Variants in AGMAT observed in about 807,000 individuals in gnomAD.
AGMAT encodes agmatinase (putative).
AGMAT carries 37 observed loss-of-function variants against 29.3 expected under a neutral mutation model. That is an observed-to-expected ratio of 1.26 (90% CI 0.97 to 1.66). The LOEUF is 1.66. Ranked by LOEUF, AGMAT falls within the 40% of genes most tolerant of loss-of-function variation. The probability of loss-of-function intolerance (pLI) is 0.00; values close to 1 mark genes in which losing one functional copy is unlikely to be tolerated. For synonymous variants in AGMAT, 199 were observed against 200.8 expected, an observed-to-expected ratio of 0.99 and a Z score of 0.08; for missense variants, 498 against 497.8, an observed-to-expected ratio of 1.00 and a Z score of 0.00.
At chr1:15,584,548 C>T (rs1639158608) in intron 1 of AGMAT, 148 bp downstream of exon 1, 2 of 880,172 alleles carry the variant, frequency 2.3e-6, no homozygotes, top group South Asian at 6.0e-5. Context: ...AATCAACCAT[C>T]TCAAACCATA....
chr1:15,573,811 G>A (rs965369549), intron 6 of AGMAT, 87 bp from the exon 7 acceptor site: 12 of 1,194,530 alleles, frequency 1.0e-5, no homozygotes, highest in Non-Finnish European at 1.5e-5. Flanking sequence ...TCTTCCCCTT[G>A]TGCCTCCTTT....
At position 15,583,240 on chromosome 1, in the gene AGMAT, T is replaced by C; in HGVS notation, c.428A>G (p.Glu143Gly). The C allele has an allele frequency of 1.2e-6, 2 of 1,614,066 alleles. No individual in the cohort carries two copies. The highest frequency in any genetic ancestry group is 1.7e-6 in the Non-Finnish European group (2 of 1,180,022). ...NLQDSCRRIQEAYEKIVAAGC... is the reference protein window; with the variant it reads ...NLQDSCRRIQGAYEKIVAAGC... ...AGCTGCTACAATTTTCTCATAGGCC[T>C]CTTGAATTCGCCGGCAGCTGTCCTG... Residue 143 changes from glutamate (E) to glycine (G), a missense_variant, in exon 2 of 7, where the codon GAG becomes GGG. Glu to Gly is a moderately conservative substitution (Grantham distance 98). Transcript: ENST00000375826.
chr1:15,584,771 G>T lies in AGMAT; in HGVS notation c.197C>A (p.Thr66Asn). The stretch of plus-strand genomic sequence containing the variant: ...GGCAGCGTCCAGCCCCTCGGGGGAG[G>T]TCTGCACCGGCAGGCGCATCATGGA... Reference protein sequence around the residue: ...VCSMMRLPVQTSPEGLDAAFI... With the variant: ...VCSMMRLPVQNSPEGLDAAFI... Residue 66 changes from threonine (T) to asparagine (N), a missense_variant, in exon 1 of 7, where the codon ACC (threonine) becomes AAC (asparagine). Coordinates refer to ENST00000375826, the MANE Select transcript of AGMAT (RefSeq NM_024758.5). The T allele has an allele frequency of 7.2e-7, 1 of 1,380,670 alleles. No homozygotes were observed. Among genetic ancestry groups the T allele is most frequent in the Non-Finnish European group, 9.4e-7 (1 of 1,065,736 alleles). The allele number at this position is 1,380,670 out of a possible 1,614,324, so 85.5% of individuals were successfully genotyped here.
chr1:15,577,805 C>A lies in AGMAT; in HGVS notation c.780G>T (p.Gly260=). 3 of 1,614,174 alleles carry A rather than the reference C, an allele frequency of 1.9e-6. No individual in the cohort carries two copies. The highest frequency in any genetic ancestry group is 3.3e-4 in the Middle Eastern group (2 of 6,062). The change falls in exon 5 of 7, where the codon GGG becomes GGT. Residue 260 remains glycine (G), a synonymous_variant. Coordinates refer to ENST00000375826, the MANE Select transcript of AGMAT (RefSeq NM_024758.5). ...CWMKSLVPLM[G]EVRQQMGGKP... ...TGCCTCCCATCTGCTGCCTGACTTC[C>A]CCCATCAGAGGAACCAGCGACTTCA...
At chr1:15,581,571 T>A (rs879752207) in intron 2 of AGMAT, among the ~76,000 whole-genome samples, 17 of 151,214 alleles carry the variant, frequency 1.1e-4, no homozygotes, top group Non-Finnish European at 2.4e-4. Context: ...CTGAATATTT[T>A]ATTTTAATTA....
chr1:15,580,308 C>A (rs1639095469), intron 2 of AGMAT, among the ~76,000 whole-genome samples, 166 bp from the exon 3 acceptor site: 1 of 146,472 alleles, frequency 6.8e-6, no homozygotes, highest in Admixed American at 7.1e-5. Flanking sequence ...CAGGTTCAAG[C>A]GATTCTCCTG....
chr1:15,583,169 C>T, intron 2 of AGMAT, 24 bp downstream of exon 2: 1 of 1,612,076 alleles, frequency 6.2e-7, no homozygotes, highest in Non-Finnish European at 8.5e-7. Context: ...GGGAACTACT[C>T]TGGCTCTTGC....
At chr1:15,576,818 C>T (rs1415287055) in intron 5 of AGMAT, among the ~76,000 whole-genome samples, 5 of 132,030 alleles carry the variant, frequency 3.8e-5, no homozygotes, top group South Asian at 2.5e-4. Context: ...GGTTCTATCT[C>T]GGCTCACTGC....
At chr1:15,578,653 C>G (rs1372461339) in intron 4 of AGMAT, among the ~76,000 whole-genome samples, 1 of 152,096 alleles carries the variant, frequency 6.6e-6, no homozygotes, top group African/African-American at 2.4e-5. Context: ...GCTTGTCTCC[C>G]CCGCCCAGCG....
Position 15,584,862 on chromosome 1 carries a change from CCTGGCGGCT to C in AGMAT, c.97_105del (p.Ser33_Gln35del), listed in dbSNP as rs760358501. The C allele has an allele frequency of 8.5e-6, 12 of 1,417,716 alleles. No individual in the cohort carries two copies. The highest frequency in any genetic ancestry group is 1.0e-5 in the Non-Finnish European group (11 of 1,091,576). The allele number at this position is 1,417,716 out of a possible 1,614,324, so 87.8% of individuals were successfully genotyped here. On this transcript the variant is annotated inframe_deletion, in exon 1 of 7. Transcript: ENST00000375826. ...GGCTGGTTCCGGGGCGCGTCGGAAGCCTGGCGGCTCTGGCGGCGCCCCGGATGAAAGAGC... is the reference window on the plus strand; with the variant it reads ...GGCTGGTTCCGGGGCGCGTCGGAAGCCTGGCGGCGCCCCGGATGAAAGAGC...
chr1:15,576,396 C>T (rs537239285), intron 5 of AGMAT, among the ~76,000 whole-genome samples: 14 of 151,372 alleles, frequency 9.2e-5, no homozygotes, highest in East Asian at 3.9e-4. Context: ...TGAGCCACTG[C>T]GCCCGGCCAA....
At chr1:15,576,982 CCTCGTGATCCACCCACCT>C (rs1639049528) in intron 5 of AGMAT, among the ~76,000 whole-genome samples, 1 of 149,816 alleles carries the variant, frequency 6.7e-6, no homozygotes, top group South Asian at 2.1e-4. Context: ...GATCTCCTGA[CCTCGTGATCCACCCACCT>C]CAGCCTCCCA....
upstream of AGMAT, chr1:15,585,051 T>TGCAC: frequency 8.0e-7 from 1 of 1,251,276 alleles, no homozygotes. Context: ...GAGGCGAGTG[T>TGCAC]GCACGCGCCA....
intron 2 of AGMAT, among the ~76,000 whole-genome samples, chr1:15,582,874 T>C (rs1307008337): frequency 6.6e-6 from 1 of 152,056 alleles, no homozygotes; most frequent in Non-Finnish European, 1.5e-5. Flanking sequence ...GGTGGGCGCC[T>C]GTAATCCCAG....
chr1:15,583,672 G>A (rs971098207), intron 1 of AGMAT, among the ~76,000 whole-genome samples: 3 of 152,108 alleles, frequency 2.0e-5, no homozygotes, highest in Non-Finnish European at 2.9e-5. Flanking sequence ...GCTATGTATC[G>A]AAGAGACTAA....
intron 6 of AGMAT, 56 bp from the exon 7 acceptor site, chr1:15,573,780 C>G: frequency 1.4e-6 from 2 of 1,451,746 alleles, no homozygotes; most frequent in African/African-American, 1.4e-5. Flanking sequence ...CTGAGCCAAG[C>G]CTTGGGACTC....
chr1:15,573,752 T>C (rs747057182), intron 6 of AGMAT, 28 bp from the exon 7 acceptor site: 86 of 1,602,330 alleles, frequency 5.4e-5, no homozygotes, highest in Non-Finnish European at 7.1e-5. Flanking sequence ...CTCACATGAA[T>C]ACCCTGCAGA....
rs190399856 is a variant in AGMAT, at chr1:15,573,590, A to G, written c.*61T>C. The G allele has an allele frequency of 7.9e-6, 12 of 1,516,104 alleles. No homozygotes were observed. Among genetic ancestry groups the G allele is most frequent in the African/African-American group, 2.7e-5 (2 of 72,876 alleles). 93.9% of individuals were successfully genotyped at this position (1,516,104 alleles called of 1,614,324 possible). On this transcript the variant is annotated 3_prime_UTR_variant, in exon 7 of 7. Transcript: ENST00000375826. ...TCTTTAGTTCTCAGACTGCTTACTC[A>G]TAAGTTCTTCTTGAGAACTTGTCAG...
chr1:15,575,868 C>G (rs1221640318), intron 5 of AGMAT: 3 of 151,728 alleles, frequency 2.0e-5, no homozygotes, highest in Non-Finnish European at 4.4e-5. Context: ...TCCTCCTGCC[C>G]CAGCCTCCCT....
Sources: allele counts gnomAD v4.1 joint callset (sites outside exome capture counted in the v4.1 genomes callset), GRCh38; gene constraint gnomAD v4.1.1; transcripts MANE v1.5; gene names NCBI Gene and HGNC (gene_info 2026-07-23, HGNC 2026-07-21).